Variants in FAM83B observed in about 807,000 individuals in gnomAD.
The protein encoded by FAM83B is protein FAM83B.
A neutral mutation model predicts 38.8 loss-of-function variants in FAM83B; 26 were observed. The observed-to-expected ratio is 0.67, with a 90% CI of 0.49 to 0.93. The LOEUF (loss-of-function observed/expected upper bound fraction) is 0.93. FAM83B is among the 40% of genes least tolerant of loss of function. The pLI is 0.00. For missense variants in FAM83B, 1,237 were observed against 1,197.3 expected (o/e 1.03, Z -0.49); for synonymous variants, 419 against 423.1 (o/e 0.99, Z 0.12).
At chr6:54,880,487 C>G (rs578132743) in intron 2 of FAM83B, among the ~76,000 whole-genome samples, 68 of 134,724 alleles carry the variant, frequency 5.0e-4, no homozygotes, top group Non-Finnish European at 9.4e-4. Context: ...CTTTGTTGCC[C>G]AGCCTGGAGT....
At chr6:54,935,768 G>A (rs1773512380) in intron 4 of FAM83B, among the ~76,000 whole-genome samples, 1 of 152,100 alleles carries the variant, frequency 6.6e-6, no homozygotes, top group Admixed American at 6.6e-5. Flanking sequence ...TAAGACTAGG[G>A]TGATAGTGGG....
rs777435638 is a variant in FAM83B, at chr6:54,941,805, G to T, written c.2834G>T (p.Ser945Ile). 1 of 1,613,782 alleles carries T rather than the reference G, an allele frequency of 6.2e-7. No individual in the cohort carries two copies. The highest frequency in any genetic ancestry group is 8.5e-7 in the Non-Finnish European group (1 of 1,179,778). Residue 945 changes from serine to isoleucine, a missense_variant, in exon 5 of 5, where the codon AGC becomes ATC. Ser to Ile is a moderately radical substitution (Grantham distance 142, BLOSUM62 -2). Coordinates refer to ENST00000306858, the MANE Select transcript of FAM83B (RefSeq NM_001010872.3). The stretch of plus-strand genomic sequence containing the variant: ...TTTGAGCCGTTTTGTAAGATTGAGA[G>T]CTCTATTCAGCCAACAAGCAACATG... ...SRFEPFCKIE[S>I]SIQPTSNMPN...
intron 2 of FAM83B, among the ~76,000 whole-genome samples, chr6:54,877,856 G>A (rs1772037177): frequency 6.6e-6 from 1 of 152,204 alleles, no homozygotes; most frequent in Admixed American, 6.5e-5. Flanking sequence ...ATTCCTAATC[G>A]GAGGTGTTTG....
chr6:54,857,644 T>A (rs1448045785), intron 1 of FAM83B, among the ~76,000 whole-genome samples: 5 of 152,168 alleles, frequency 3.3e-5, no homozygotes, highest in Non-Finnish European at 1.5e-5. Flanking sequence ...AAATATGGAA[T>A]AACCAACATG....
chr6:54,865,878 A>G (rs1422143139), intron 1 of FAM83B, among the ~76,000 whole-genome samples: 4 of 152,014 alleles, frequency 2.6e-5, no homozygotes, highest in Middle Eastern at 3.2e-3. Flanking sequence ...ATGAAAAAAC[A>G]TCTCTTTTCA....
chr6:54,931,419 T>G (rs1313026329), intron 4 of FAM83B, among the ~76,000 whole-genome samples: 3 of 152,138 alleles, frequency 2.0e-5, no homozygotes, highest in African/African-American at 7.2e-5. Flanking sequence ...CTGTCTGTTT[T>G]CCCTTTCAAT....
chr6:54,863,064 T>C (rs961671915), intron 1 of FAM83B, among the ~76,000 whole-genome samples: 4 of 152,296 alleles, frequency 2.6e-5, no homozygotes, highest in African/African-American at 9.6e-5. Flanking sequence ...ACCTCACTGC[T>C]GAGCAAGCTT....
intron 2 of FAM83B, among the ~76,000 whole-genome samples, chr6:54,904,626 A>G (rs942876765): frequency 6.6e-6 from 1 of 152,214 alleles, no homozygotes; most frequent in African/African-American, 2.4e-5. Flanking sequence ...TATTCATTCC[A>G]TGGGTGTACC....
intron 2 of FAM83B, among the ~76,000 whole-genome samples, chr6:54,875,746 A>T (rs1771976159): frequency 6.9e-6 from 1 of 145,246 alleles, no homozygotes; most frequent in African/African-American, 2.5e-5. Context: ...AAGGTGGAAG[A>T]AAGGGAGAGA....
intron 4 of FAM83B, among the ~76,000 whole-genome samples, chr6:54,931,603 T>A (rs922207934): frequency 1.3e-5 from 2 of 152,134 alleles, no homozygotes; most frequent in Admixed American, 6.5e-5. Flanking sequence ...TTTCCTGATA[T>A]TTTTACAGCA....
intron 2 of FAM83B, among the ~76,000 whole-genome samples, chr6:54,911,602 AG>A (rs1561922533): frequency 6.6e-6 from 1 of 152,168 alleles, no homozygotes; most frequent in South Asian, 2.1e-4. Context: ...GTATTTCGTA[AG>A]GTCAGTAATA....
intron 2 of FAM83B, among the ~76,000 whole-genome samples, chr6:54,891,497 C>T (rs1159302134): frequency 6.6e-6 from 1 of 152,134 alleles, no homozygotes; most frequent in Non-Finnish European, 1.5e-5. Context: ...TTATTTCTTA[C>T]TGCTGCTTTC....
intron 1 of FAM83B, among the ~76,000 whole-genome samples, chr6:54,864,434 A>G (rs954970649): frequency 3.3e-5 from 5 of 152,122 alleles, no homozygotes; most frequent in Admixed American, 6.6e-5. Context: ...AGATGTTTGC[A>G]CCCAACACCC....
intron 2 of FAM83B, among the ~76,000 whole-genome samples, chr6:54,890,156 C>G (rs1772368671): frequency 6.6e-6 from 1 of 151,956 alleles, no homozygotes; most frequent in African/African-American, 2.4e-5. Flanking sequence ...AATGTCAAAA[C>G]TTTTTTGAGT....
intron 2 of FAM83B, among the ~76,000 whole-genome samples, chr6:54,882,071 T>C (rs949749058): frequency 2.2e-5 from 3 of 138,476 alleles, no homozygotes; most frequent in African/African-American, 7.3e-5. Context: ...GCTTCATCCA[T>C]GTCCCTGCAA....
At chr6:54,906,738 G>C (rs529649412) in intron 2 of FAM83B, among the ~76,000 whole-genome samples, 1 of 152,052 alleles carries the variant, frequency 6.6e-6, no homozygotes, top group Non-Finnish European at 1.5e-5. Flanking sequence ...ATAGTATATA[G>C]TTAAAGCAAG....
chr6:54,848,558 G>A (rs1362769862), intron 1 of FAM83B, among the ~76,000 whole-genome samples: 1 of 152,150 alleles, frequency 6.6e-6, no homozygotes, highest in East Asian at 1.9e-4. Context: ...ACTTTTTTGG[G>A]ATGAAGTAAT....
At chr6:54,847,758 T>A (rs1407445793) in intron 1 of FAM83B, among the ~76,000 whole-genome samples, 1 of 152,144 alleles carries the variant, frequency 6.6e-6, no homozygotes, top group East Asian at 1.9e-4. Flanking sequence ...AAACACAGGT[T>A]AGCATGTTGT....
intron 2 of FAM83B, among the ~76,000 whole-genome samples, chr6:54,915,980 A>G (rs1052331003): frequency 2.0e-5 from 3 of 152,148 alleles, no homozygotes; most frequent in Non-Finnish European, 4.4e-5. Flanking sequence ...CCTAGCATTC[A>G]ACGACTTCCC....
Sources: allele counts gnomAD v4.1 joint callset (sites outside exome capture counted in the v4.1 genomes callset), GRCh38; gene constraint gnomAD v4.1.1; transcripts MANE v1.5; gene names NCBI Gene and HGNC (gene_info 2026-07-23, HGNC 2026-07-21).